Variants in MFF observed in about 807,000 individuals in gnomAD.
MFF encodes chromosome 2 open reading frame 33.
A neutral mutation model predicts 36.9 loss-of-function variants in MFF; 12 were observed. That is an observed-to-expected ratio of 0.33 (90% CI 0.21 to 0.53). The LOEUF is 0.53. Among genes scored for constraint, MFF ranks in the 20% least tolerant of loss-of-function variants. The pLI is 0.95. For synonymous variants in MFF, 99 were observed against 126.2 expected (o/e 0.78, Z 1.44); for missense variants, 348 against 366.6 (o/e 0.95, Z 0.42).
At chr2:227,350,663 A>G (rs1422152929) in intron 6 of MFF, among the ~76,000 whole-genome samples, 1 of 152,086 alleles carries the variant, frequency 6.6e-6, no homozygotes, top group Admixed American at 6.6e-5. Flanking sequence ...ATTAAACTTT[A>G]TTTTCTGTAG....
At chr2:227,338,611 C>T (rs996778829) in intron 4 of MFF, among the ~76,000 whole-genome samples, 1 of 151,960 alleles carries the variant, frequency 6.6e-6, no homozygotes, top group Admixed American at 6.6e-5. Flanking sequence ...GCAGCCAAAT[C>T]ATGAGATTAG....
rs1457748325 is a variant in MFF, at chr2:227,341,887, T to A, written c.440+1507T>A. 2.0e-5 allele frequency among the ~76,000 whole-genome samples: 3 copies of A among 152,216 alleles called. No individual in the cohort carries two copies. In the East Asian group the frequency reaches 5.8e-4, roughly 29 times the overall value. On this transcript the variant is annotated intron_variant, in intron 5 of 8. Coordinates refer to ENST00000304593, the MANE Select transcript of MFF (RefSeq NM_001277062.2). ...CAAGATTATTGTAATATAGCACCAC[T>A]CTTATTTTTTCTCCCGAAGTATATA...
At chr2:227,338,410 A>G (rs1352153302) in intron 4 of MFF, among the ~76,000 whole-genome samples, 2 of 151,528 alleles carry the variant, frequency 1.3e-5, no homozygotes, top group African/African-American at 2.4e-5. Flanking sequence ...ACCTGGGATT[A>G]CAGGTGTGAG....
At chr2:227,326,240 A>G (rs1458956488) in intron 1 of MFF, among the ~76,000 whole-genome samples, 2 of 151,366 alleles carry the variant, frequency 1.3e-5, no homozygotes, top group South Asian at 4.2e-4. Context: ...AAAAAAAAAA[A>G]GGTTTCTGGC....
rs4500938 is a variant in MFF at position 227,332,652 on chromosome 2, A to G, written c.351+64A>G. On this transcript the variant is annotated intron_variant, in intron 4 of 8. Transcript: ENST00000304593. The stretch of plus-strand genomic sequence containing the variant: ...GTAGACAAAGGTAAAAGAGAAGAGC[A>G]AAGAGGCTTTATCATATCTTTAGCA... 0.93 allele frequency: 1,161,766 copies of G among 1,250,910 alleles called. 542,712 individuals are homozygous for G. The highest frequency in any genetic ancestry group is 0.96 in the Non-Finnish European group (857,296 of 895,720). 77.5% of individuals were successfully genotyped at this position (1,250,910 alleles called of 1,614,324 possible). A position where few individuals can be genotyped will look rare whatever the true frequency, so the allele number is the denominator to read the frequency against.
rs1198232462 is a variant in MFF, at chr2:227,347,274, A to G, written c.489A>G (p.Leu163=). The G allele has an allele frequency of 1.2e-6, 2 of 1,613,718 alleles. No homozygotes were observed. ...CTCGGGTCTGTCCTCCCCATATGTTACCTGAAGATGGAGCTAATCTTTCCT... is the reference window on the plus strand; with the variant it reads ...CTCGGGTCTGTCCTCCCCATATGTTGCCTGAAGATGGAGCTAATCTTTCCT... ...QQARVCPPHM[L]PEDGANLSSA... The change falls in exon 6 of 9, where the codon TTA becomes TTG. Residue 163 remains leucine (L), a synonymous_variant. Transcript: ENST00000304593.
At chr2:227,347,528 C>G in intron 6 of MFF, 144 bp downstream of exon 6, 1 of 671,952 alleles carries the variant, frequency 1.5e-6, no homozygotes, top group Non-Finnish European at 2.6e-6. Flanking sequence ...GCTTTACTTT[C>G]TTTTAATTTG....
chr2:227,341,844 ATT>A (rs935022086), intron 5 of MFF, among the ~76,000 whole-genome samples: 4 of 152,088 alleles, frequency 2.6e-5, no homozygotes, highest in Non-Finnish European at 4.4e-5. Context: ...CTACTTTGAC[ATT>A]TTATATTAAT....
At chr2:227,327,327 A>T (rs2074233625) in intron 1 of MFF, among the ~76,000 whole-genome samples, 1 of 152,188 alleles carries the variant, frequency 6.6e-6, no homozygotes, top group Admixed American at 6.5e-5. Flanking sequence ...TGCCTACTGG[A>T]TTCTAAGGTA....
At chr2:227,331,699 G>A (rs1000500937) in intron 3 of MFF, among the ~76,000 whole-genome samples, 7 of 152,142 alleles carry the variant, frequency 4.6e-5, no homozygotes, top group African/African-American at 1.4e-4. Flanking sequence ...TTGAGTGGGC[G>A]TGTAGTGCCA....
intron 5 of MFF, 177 bp from the exon 6 acceptor site, chr2:227,347,049 C>T: frequency 1.8e-6 from 1 of 542,828 alleles, no homozygotes; most frequent in Non-Finnish European, 3.3e-6. Flanking sequence ...TGCCTTGTAG[C>T]TAGTTTTTGG....
intron 6 of MFF, among the ~76,000 whole-genome samples, chr2:227,348,255 G>A (rs1460064772): frequency 6.6e-6 from 1 of 152,100 alleles, no homozygotes; most frequent in Non-Finnish European, 1.5e-5. Flanking sequence ...CCTTAGGAAC[G>A]AATATGACTT....
intron 4 of MFF, among the ~76,000 whole-genome samples, chr2:227,336,879 G>A (rs1418863801): frequency 3.3e-5 from 5 of 152,176 alleles, no homozygotes; most frequent in Admixed American, 3.3e-4. Flanking sequence ...AAAAACCATA[G>A]CTATATGACA....
At chr2:227,355,001 A>C (rs2076188680) in intron 7 of MFF, among the ~76,000 whole-genome samples, 1 of 152,148 alleles carries the variant, frequency 6.6e-6, no homozygotes, top group South Asian at 2.1e-4. Context: ...TCTCTACTAA[A>C]AGTACAAAAA....
At chr2:227,355,517 A>G (rs1445469482) in intron 7 of MFF, 160 bp from the exon 8 acceptor site, 3 of 404,564 alleles carry the variant, frequency 7.4e-6, no homozygotes, top group Non-Finnish European at 1.4e-5. Flanking sequence ...TCTTTCCTTT[A>G]TTAGTACAAA....
chr2:227,353,761 G>A (rs1183474464), intron 7 of MFF, among the ~76,000 whole-genome samples: 7 of 152,016 alleles, frequency 4.6e-5, no homozygotes, highest in Admixed American at 6.6e-5. Context: ...TTTGCAAATC[G>A]AGATTTCAGA....
intron 4 of MFF, among the ~76,000 whole-genome samples, chr2:227,336,882 A>G (rs1281080748): frequency 6.6e-6 from 1 of 152,218 alleles, no homozygotes; most frequent in Non-Finnish European, 1.5e-5. Flanking sequence ...AACCATAGCT[A>G]TATGACATAT....
At chr2:227,332,371 A>G in intron 3 of MFF, 48 bp from the exon 4 acceptor site, 1 of 1,448,376 alleles carries the variant, frequency 6.9e-7, no homozygotes, top group Non-Finnish European at 9.3e-7. Flanking sequence ...TCTTTTTAAA[A>G]AACCTCCCGC....
At chr2:227,351,895 A>C (rs1286636708) in intron 6 of MFF, 1 of 152,312 alleles carries the variant, frequency 6.6e-6, no homozygotes, top group Admixed American at 6.5e-5. Context: ...AATGTGCTCT[A>C]GCACGTCTCC....
Sources: gnomAD v4.1 joint callset for allele counts (sites outside exome capture counted in the v4.1 genomes callset) on GRCh38, gnomAD v4.1.1 for gene constraint, MANE v1.5 for transcripts, NCBI Gene and HGNC (gene_info 2026-07-23, HGNC 2026-07-21) for gene names.